Variants in CDKAL1 observed in about 807,000 individuals in gnomAD.
CDKAL1 encodes threonylcarbamoyladenosine tRNA methylthiotransferase.
CDKAL1 carries 32 observed loss-of-function variants against 68.2 expected under a neutral mutation model. The observed-to-expected ratio is 0.47, with a 90% CI of 0.35 to 0.63. CDKAL1 has a LOEUF of 0.63. Among genes scored for constraint, CDKAL1 ranks in the 30% least tolerant of loss-of-function variants. CDKAL1 has a pLI of 0.00. For synonymous variants in CDKAL1, 234 were observed against 244.3 expected (o/e 0.96, Z 0.39); for missense variants, 606 against 696.7 (o/e 0.87, Z 1.47).
chr6:21,230,493 G>A (rs1779921657), intron 15 of CDKAL1, among the ~76,000 whole-genome samples: 1 of 152,100 alleles, frequency 6.6e-6, no homozygotes, highest in African/African-American at 2.4e-5. Flanking sequence ...TTCCATTGCT[G>A]AGAAGATATG....
At chr6:20,660,338 G>A (rs577817423) in intron 5 of CDKAL1, among the ~76,000 whole-genome samples, 2 of 152,178 alleles carry the variant, frequency 1.3e-5, no homozygotes, top group East Asian at 3.9e-4. Context: ...ACTGTGTAAT[G>A]ATTTTCCTTG....
At chr6:20,975,369 A>G (rs1267250974) in intron 10 of CDKAL1, among the ~76,000 whole-genome samples, 2 of 152,196 alleles carry the variant, frequency 1.3e-5, no homozygotes, top group Admixed American at 6.6e-5. Flanking sequence ...GGTATTTAGT[A>G]GTCCCTTTTT....
At chr6:20,630,619 A>G (rs1767634911) in intron 4 of CDKAL1, among the ~76,000 whole-genome samples, 1 of 152,192 alleles carries the variant, frequency 6.6e-6, no homozygotes, top group African/African-American at 2.4e-5. Context: ...AAATGTGCAA[A>G]GCCTGATGAT....
rs113732183 is a variant in CDKAL1, at chr6:21,125,463, G to A, written c.1299+17000G>A. Reference sequence around the variant, plus strand: ...CAAGGCGGGTGGATCACCTGAGGTCGGGAGTTCGAGACCAGCCTGACCAAC... The same window carrying A: ...CAAGGCGGGTGGATCACCTGAGGTCAGGAGTTCGAGACCAGCCTGACCAAC... On this transcript the variant is annotated intron_variant, in intron 13 of 15. Transcript: ENST00000274695. Among the ~76,000 whole-genome samples the A allele has an allele frequency of 7.8e-3, 1,187 of 152,090 alleles. 18 individuals carry two copies. The highest frequency in any genetic ancestry group is 0.027 in the African/African-American group (1,117 of 41,476).
At chr6:21,208,233 G>A (rs975166700) in intron 15 of CDKAL1, among the ~76,000 whole-genome samples, 8 of 152,126 alleles carry the variant, frequency 5.3e-5, no homozygotes, top group African/African-American at 1.9e-4. Context: ...GTTTTAAAGG[G>A]TGGCATGGTT....
At chr6:21,026,061 G>T (rs142198830) in intron 11 of CDKAL1, among the ~76,000 whole-genome samples, 1 of 151,552 alleles carries the variant, frequency 6.6e-6, no homozygotes, top group Admixed American at 6.6e-5. Flanking sequence ...CTCATTTCTC[G>T]TTGTTAAACA....
chr6:21,196,046 ACT>A (rs775402310), intron 13 of CDKAL1, among the ~76,000 whole-genome samples: 1 of 152,192 alleles, frequency 6.6e-6, no homozygotes, highest in Non-Finnish European at 1.5e-5. Context: ...AGTCTTTTTA[ACT>A]CTGTATATAT....
At chr6:21,063,370 A>G (rs1771248250) in intron 11 of CDKAL1, among the ~76,000 whole-genome samples, 1 of 152,240 alleles carries the variant, frequency 6.6e-6, no homozygotes, top group African/African-American at 2.4e-5. Context: ...CGTCTGTGCC[A>G]TATTTATGGA....
intron 12 of CDKAL1, among the ~76,000 whole-genome samples, chr6:21,092,048 G>C (rs1773051266): frequency 6.6e-6 from 1 of 151,202 alleles, no homozygotes; most frequent in Admixed American, 6.6e-5. Context: ...CACTACGCCT[G>C]GCTCATTTTT....
intron 9 of CDKAL1, among the ~76,000 whole-genome samples, chr6:20,930,319 A>G (rs1314707489): frequency 1.3e-5 from 2 of 151,494 alleles, no homozygotes; most frequent in Admixed American, 1.3e-4. Context: ...TCTTTTAATT[A>G]ACTTCATTGT....
chr6:20,951,805 G>T lies in CDKAL1; in HGVS notation c.743-3614G>T, dbSNP rs541297963. ...TAGAAAAAAGTAAAATCTTCCCTTG[G>T]ATGCGTGAAAAAACCCTAATTTCTG... is the stretch of plus-strand genomic sequence containing the variant. On this transcript the variant is annotated intron_variant, in intron 9 of 15. Transcript: ENST00000274695. 7.9e-5 allele frequency among the ~76,000 whole-genome samples: 12 copies of T among 152,008 alleles called. 1 individual carries two copies. In the South Asian group the frequency reaches 2.5e-3, roughly 32 times the overall value.
chr6:21,140,692 C>CA (rs1263361356), intron 13 of CDKAL1, among the ~76,000 whole-genome samples: 1 of 152,158 alleles, frequency 6.6e-6, no homozygotes, highest in Admixed American at 6.5e-5. Context: ...TCTGTCACAG[C>CA]AAAGCACTGT....
chr6:20,544,600 A>G (rs944012739), intron 2 of CDKAL1, among the ~76,000 whole-genome samples: 6 of 150,588 alleles, frequency 4.0e-5, no homozygotes, highest in Non-Finnish European at 7.4e-5. Context: ...CGTCTCAAAA[A>G]AAAAAAAAAA....
At chr6:21,136,306 G>A (rs7771907) in intron 13 of CDKAL1, among the ~76,000 whole-genome samples, 2 of 152,146 alleles carry the variant, frequency 1.3e-5, no homozygotes, top group Admixed American at 6.5e-5. Flanking sequence ...GTCACTGTAC[G>A]CAAGACGTTG....
intron 5 of CDKAL1, among the ~76,000 whole-genome samples, chr6:20,677,540 T>A (rs1770175398): frequency 1.3e-5 from 2 of 152,156 alleles, no homozygotes; most frequent in Non-Finnish European, 1.5e-5. Flanking sequence ...TGCGTCAGCC[T>A]CCCTAGTAGC....
At chr6:21,174,834 T>C (rs1484893961) in intron 13 of CDKAL1, among the ~76,000 whole-genome samples, 1 of 152,136 alleles carries the variant, frequency 6.6e-6, no homozygotes, top group East Asian at 1.9e-4. Context: ...CAAAGAGATA[T>C]GCGTTATTGT....
At chr6:21,224,518 T>C (rs1779658559) in intron 15 of CDKAL1, among the ~76,000 whole-genome samples, 1 of 151,832 alleles carries the variant, frequency 6.6e-6, no homozygotes, top group Non-Finnish European at 1.5e-5. Context: ...TGTCTCAAAA[T>C]AATAATAAAC....
At chr6:20,748,512 A>T in intron 6 of CDKAL1, among the ~76,000 whole-genome samples, 1 of 124,248 alleles carries the variant, frequency 8.0e-6, no homozygotes, top group African/African-American at 3.0e-5. Context: ...GTGCCACTGC[A>T]CTCCAGCTCC....
intron 9 of CDKAL1, among the ~76,000 whole-genome samples, chr6:20,933,878 T>C (rs977524852): frequency 2.6e-5 from 4 of 152,086 alleles, no homozygotes; most frequent in African/African-American, 7.2e-5. Context: ...AAGAATTCTG[T>C]GGTCAATAGA....
Sources: gnomAD v4.1 joint callset for allele counts (sites outside exome capture counted in the v4.1 genomes callset) on GRCh38, gnomAD v4.1.1 for gene constraint, MANE v1.5 for transcripts, NCBI Gene and HGNC (gene_info 2026-07-23, HGNC 2026-07-21) for gene names.